PRPF19: variants seen among roughly 807,000 people sequenced by gnomAD.
PRPF19 encodes pre-mRNA-processing factor 19.
A neutral mutation model predicts 64.2 loss-of-function variants in PRPF19; 2 were observed. That is an observed-to-expected ratio of 0.03 (90% confidence interval 0.01 to 0.10). PRPF19 has a LOEUF of 0.10. Among genes scored for constraint, PRPF19 ranks in the 10% least tolerant of loss-of-function variants. PRPF19 has a pLI of 1.00. For missense variants in PRPF19, 314 were observed against 650.0 expected, an observed-to-expected ratio of 0.48 and a Z score of 5.62; for synonymous variants, 226 against 251.6, an observed-to-expected ratio of 0.90 and a Z score of 0.96.
intron 10 of PRPF19, 137 bp from the exon 11 acceptor site, chr11:60,899,441 C>G: frequency 1.1e-6 from 1 of 928,608 alleles, no homozygotes; most frequent in Non-Finnish European, 1.6e-6. Context: ...CTGGAACCAC[C>G]TATCCACCCA....
chr11:60,901,514 G>A lies in PRPF19; in HGVS notation c.552C>T (p.Thr184=), dbSNP rs1855984001. The A allele has an allele frequency of 6.2e-7, 1 of 1,614,184 alleles. No homozygotes were observed. Among genetic ancestry groups the A allele is most frequent in the Non-Finnish European group, 8.5e-7 (1 of 1,180,044 alleles). The change falls in exon 7 of 16, where the codon ACC becomes ACT. Residue 184 remains threonine, a synonymous_variant. Coordinates refer to ENST00000227524, the MANE Select transcript of PRPF19 (RefSeq NM_014502.5). The part of the protein sequence containing the change: ...QKLQDKATVL[T]TERKKRGKTV... ...GAGAACTCACCTTCTTGCGCTCCGT[G>A]GTTAGCACAGTGGCTTTGTCTTGAA...
chr11:60,899,887 T>A (rs562839740), intron 10 of PRPF19, among the ~76,000 whole-genome samples: 2 of 152,232 alleles, frequency 1.3e-5, no homozygotes, highest in African/African-American at 4.8e-5. Flanking sequence ...TCTTTTTTTA[T>A]CAATACAATT....
At chr11:60,901,452 C>G in intron 7 of PRPF19, 47 bp downstream of exon 7, 1 of 1,614,134 alleles carries the variant, frequency 6.2e-7, no homozygotes, top group Non-Finnish European at 8.5e-7. Flanking sequence ...AGTCAACCGC[C>G]TCCCACCAGG....
At chr11:60,903,205 G>A (rs189619004) in intron 3 of PRPF19, among the ~76,000 whole-genome samples, 10 of 152,178 alleles carry the variant, frequency 6.6e-5, no homozygotes, top group African/African-American at 9.6e-5. Context: ...TTTATTGATC[G>A]CCCTCGTTGT....
intron 15 of PRPF19, among the ~76,000 whole-genome samples, chr11:60,896,499 A>T (rs1056708712): frequency 6.6e-6 from 1 of 152,030 alleles, no homozygotes; most frequent in Non-Finnish European, 1.5e-5. Flanking sequence ...GGGGGTGGTT[A>T]CCCCCATGCT....
rs1855997526 is a variant in PRPF19 at position 60,902,762 on chromosome 11, C to T, written c.366G>A (p.Lys122=). ...AACRVIARLT[K]EVTAAREALA... ...CACCTTCTCGGGCAGCAGTGACTTC[C>T]TTGGTGAGACGGGCAATGACACGGC... Residue 122 remains lysine, a synonymous_variant, in exon 4 of 16, where the codon AAG becomes AAA. Transcript: ENST00000227524. This position sits in a 1 kb window ranked among gnomAD's most constrained non-coding sequence, Gnocchi z 5.0. 4 of 1,614,040 alleles carry T rather than the reference C, an allele frequency of 2.5e-6. No homozygotes were observed. The highest frequency in any genetic ancestry group is 3.4e-6 in the Non-Finnish European group (4 of 1,180,014).
intron 15 of PRPF19, among the ~76,000 whole-genome samples, chr11:60,892,977 C>A (rs1855879374): frequency 6.6e-6 from 1 of 152,016 alleles, no homozygotes; most frequent in Non-Finnish European, 1.5e-5. Context: ...AGCCTTAGGC[C>A]CCTACTCCCT....
At chr11:60,897,238 C>A (rs1855931903) in intron 15 of PRPF19, among the ~76,000 whole-genome samples, 1 of 152,180 alleles carries the variant, frequency 6.6e-6, no homozygotes, top group Admixed American at 6.5e-5. Context: ...CAAATACTTA[C>A]CATTGTGTTA....
chr11:60,897,370 A>C (rs1295422125), intron 15 of PRPF19, among the ~76,000 whole-genome samples: 1 of 152,248 alleles, frequency 6.6e-6, no homozygotes, highest in Non-Finnish European at 1.5e-5. Context: ...AGATATATGT[A>C]AGTTCACTCT....
chr11:60,897,367 TG>T (rs1231172923), intron 15 of PRPF19, among the ~76,000 whole-genome samples: 5 of 152,242 alleles, frequency 3.3e-5, no homozygotes, highest in African/African-American at 1.2e-4. Context: ...TTTAGATATA[TG>T]TAAGTTCACT....
intron 15 of PRPF19, among the ~76,000 whole-genome samples, chr11:60,896,553 A>T (rs1289086044): frequency 2.0e-5 from 3 of 152,178 alleles, no homozygotes; most frequent in Admixed American, 6.5e-5. Flanking sequence ...TGGTTTTATG[A>T]GGGGCTTTAG....
At position 60,902,588 on chromosome 11, in the gene PRPF19, CACTTGGTTGGGA is replaced by C; in HGVS notation, c.445_456del (p.Ser149_Ser152del). The stretch of plus-strand genomic sequence containing the variant: ...AAGGGAAGGGGGACACTTACCACAA[CACTTGGTTGGGA>C]ACTTGGCACAGCCTGGGGCACAATG... On this transcript the variant is annotated inframe_deletion, in exon 5 of 16. Transcript: ENST00000227524. This position sits in a 1 kb window ranked among gnomAD's most constrained non-coding sequence, Gnocchi z 5.0. 1 of 1,613,738 alleles carries C rather than the reference CACTTGGTTGGGA, an allele frequency of 6.2e-7. No homozygotes were observed. Among genetic ancestry groups the C allele is most frequent in the Non-Finnish European group, 8.5e-7 (1 of 1,179,618 alleles).
Position 60,898,096 on chromosome 11 carries a change from C to T in PRPF19, c.1311+5G>A, listed in dbSNP as rs761653641. ...GGAAAGCTGGGCGGAGGGGGAAGGG[C>T]ACACCTCAAAGTTGTTATCCAGCTG... On this transcript the variant is annotated splice_donor_5th_base_variant and intron_variant, in intron 14 of 15. Transcript: ENST00000227524. The surrounding 1 kb of genome is among the most constrained non-coding windows in gnomAD (Gnocchi z 4.6). The T allele has an allele frequency of 6.2e-7, 1 of 1,613,048 alleles. No homozygotes were observed. The highest frequency in any genetic ancestry group is 1.7e-5 in the Admixed American group (1 of 59,936).
At chr11:60,899,523 C>T (rs996669634) in intron 10 of PRPF19, among the ~76,000 whole-genome samples, 2 of 152,228 alleles carry the variant, frequency 1.3e-5, no homozygotes, top group Non-Finnish European at 2.9e-5. Context: ...CTTGTGGAGG[C>T]GTCCTCGCCA....
At chr11:60,903,930 C>G (rs1240589747) in intron 1 of PRPF19, 69 bp from the exon 2 acceptor site, 7 of 1,553,322 alleles carry the variant, frequency 4.5e-6, no homozygotes, top group African/African-American at 1.4e-5. Context: ...TCCTCATCTG[C>G]TATTAGCCCC....
chr11:60,898,426 C>T lies in PRPF19; in HGVS notation c.1140+115G>A. On this transcript the variant is annotated intron_variant, in intron 13 of 15. Transcript: ENST00000227524. The surrounding 1 kb of genome is among the most constrained non-coding windows in gnomAD (Gnocchi z 4.6). Reference sequence around the variant, plus strand: ...ACCACACCATCATATCACACACGCACAGCCAGTGTCTCTCCACCTTCAGGG... The same window carrying T: ...ACCACACCATCATATCACACACGCATAGCCAGTGTCTCTCCACCTTCAGGG... 1.3e-6 allele frequency: 2 copies of T among 1,552,396 alleles called. No homozygotes were observed. Among genetic ancestry groups the T allele is most frequent in the Non-Finnish European group, 1.7e-6 (2 of 1,144,444 alleles).
rs745505438 is a variant in PRPF19, at chr11:60,902,990, G to T, written c.247-109C>A. The T allele has an allele frequency of 6.8e-7, 1 of 1,481,078 alleles. No individual in the cohort carries two copies. The highest frequency in any genetic ancestry group is 1.4e-5 in the African/African-American group (1 of 72,162). The allele number at this position is 1,481,078 out of a possible 1,614,324, so 91.7% of individuals were successfully genotyped here. A position where few individuals can be genotyped will look rare whatever the true frequency, so the allele number is the denominator to read the frequency against. On this transcript the variant is annotated intron_variant, in intron 3 of 15. Coordinates refer to ENST00000227524, the MANE Select transcript of PRPF19 (RefSeq NM_014502.5). This position sits in a 1 kb window ranked among gnomAD's most constrained non-coding sequence, Gnocchi z 5.0. ...GCCTCCTATCCCAGAGCCTAGACCAGTATCAGTGACCCAAACAATATCCGA... is the reference window on the plus strand; with the variant it reads ...GCCTCCTATCCCAGAGCCTAGACCATTATCAGTGACCCAAACAATATCCGA...
At chr11:60,900,539 G>A (rs1259660058) in intron 10 of PRPF19, 43 bp downstream of exon 10, 1 of 1,441,180 alleles carries the variant, frequency 6.9e-7, no homozygotes, top group Non-Finnish European at 9.5e-7. Flanking sequence ...ACAAACAACA[G>A]CCAAGGAAAG....
At position 60,899,173 on chromosome 11, in the gene PRPF19, A is replaced by G; in HGVS notation, c.960T>C (p.Tyr320=). The change falls in exon 11 of 16, where the codon TAT becomes TAC. Residue 320 remains tyrosine (Y), a synonymous_variant. Transcript: ENST00000227524. ...CCTGATCATCGGAGGAGCTCAGGAG[A>G]TAGTCGCCAGTGGCATGAAGGCTGA... ...TGLSLHATGD[Y]LLSSSDDQYW... 1 of 1,613,396 alleles carries G rather than the reference A, an allele frequency of 6.2e-7. No individual in the cohort carries two copies. The highest frequency in any genetic ancestry group is 8.5e-7 in the Non-Finnish European group (1 of 1,179,714).
Sources: allele counts gnomAD v4.1 joint callset (sites outside exome capture counted in the v4.1 genomes callset), GRCh38; gene constraint gnomAD v4.1.1; non-coding constraint Gnocchi (gnomAD v3.1); transcripts MANE v1.5; gene names NCBI Gene and HGNC (gene_info 2026-07-23, HGNC 2026-07-21).